CAB39: variants seen among roughly 807,000 people sequenced by gnomAD.
CAB39 encodes calcium-binding protein 39.
A neutral mutation model predicts 40.0 loss-of-function variants in CAB39; 8 were observed. That is an observed-to-expected ratio of 0.20 (90% CI 0.12 to 0.36). CAB39 has a LOEUF of 0.36. Among genes scored for constraint, CAB39 ranks in the 10% least tolerant of loss-of-function variants. The pLI, the probability that CAB39 is intolerant of heterozygous loss-of-function variation, is 1.00. For missense variants in CAB39, 270 were observed against 401.1 expected, an observed-to-expected ratio of 0.67 and a Z score of 2.79; for synonymous variants, 156 against 141.6, an observed-to-expected ratio of 1.10 and a Z score of -0.72.
rs1475996981 is a variant in CAB39, at chr2:230,820,808, T to G, written c.*2104T>G. The G allele has an allele frequency of 6.5e-6, 1 of 152,682 alleles. No homozygotes were observed. The highest frequency in any genetic ancestry group is 1.9e-4 in the East Asian group (1 of 5,200). The allele number at this position is 152,682 out of a possible 1,614,324, so 9.5% of individuals were successfully genotyped here. A position where few individuals can be genotyped will look rare whatever the true frequency, so the allele number is the denominator to read the frequency against. Reference sequence around the variant, plus strand: ...AAAACAATGTGAAAACATTTAAGTTTGAAATGTTGCATTTGAAGTTATGAT... The same window carrying G: ...AAAACAATGTGAAAACATTTAAGTTGGAAATGTTGCATTTGAAGTTATGAT... On this transcript the variant is annotated 3_prime_UTR_variant, in exon 9 of 9. Coordinates refer to ENST00000258418, the MANE Select transcript of CAB39 (RefSeq NM_016289.4).
rs565600946 is a variant in CAB39, at chr2:230,738,298, A to C, written c.-43-21661A>C. Among the ~76,000 whole-genome samples, 4 of 152,290 alleles carry C rather than the reference A, an allele frequency of 2.6e-5. No homozygotes were observed. The East Asian group carries it at 7.7e-4, about 29-fold the overall frequency. On this transcript the variant is annotated intron_variant, in intron 1 of 8. Coordinates refer to ENST00000258418, the MANE Select transcript of CAB39 (RefSeq NM_016289.4). ...TTATCATTCATGCCATTTAGTTCTC[A>C]TCTTTTGGTTTATGAGCTGAGTTTA...
At chr2:230,735,519 T>TG (rs1694773667) in intron 1 of CAB39, among the ~76,000 whole-genome samples, 1 of 150,626 alleles carries the variant, frequency 6.6e-6, no homozygotes, top group Non-Finnish European at 1.5e-5. Flanking sequence ...AAAAATAATT[T>TG]GGGGGGATGG....
chr2:230,728,133 G>A (rs1694620175), intron 1 of CAB39, among the ~76,000 whole-genome samples: 1 of 152,108 alleles, frequency 6.6e-6, no homozygotes, highest in African/African-American at 2.4e-5. Flanking sequence ...CAGCTACTCG[G>A]CGGCTGAGAC....
intron 1 of CAB39, among the ~76,000 whole-genome samples, chr2:230,747,663 T>A (rs1467562433): frequency 6.6e-6 from 1 of 152,220 alleles, no homozygotes; most frequent in Non-Finnish European, 1.5e-5. Context: ...TATAATGGAT[T>A]ATATAGTTCA....
intron 2 of CAB39, among the ~76,000 whole-genome samples, chr2:230,780,651 C>G (rs962116692): frequency 6.6e-6 from 1 of 152,208 alleles, no homozygotes. Context: ...AAGAATACCA[C>G]AGAAGTGAAG....
rs1309099252 is a variant in CAB39 at position 230,748,826 on chromosome 2, AAAAAAATATATATAT to A, written c.-43-11131_-43-11117del. ...TATTTCCAAAAAGAAAAAAAAAAAA[AAAAAAATATATATAT>A]ATATATATATATATATATATATATA... On this transcript the variant is annotated intron_variant, in intron 1 of 8. Transcript: ENST00000258418. Among the ~76,000 whole-genome samples, 297 of 70,552 alleles carry A rather than the reference AAAAAAATATATATAT, an allele frequency of 4.2e-3. 4 individuals carry two copies. The highest frequency in any genetic ancestry group is 0.02 in the East Asian group (55 of 2,816). The allele number at this position is 70,552 out of a possible 152,430, so 46.3% of individuals were successfully genotyped here. A position where few individuals can be genotyped will look rare whatever the true frequency, so the allele number is the denominator to read the frequency against.
chr2:230,772,929 C>A (rs903756428), intron 2 of CAB39, among the ~76,000 whole-genome samples: 1 of 143,916 alleles, frequency 6.9e-6, no homozygotes, highest in Non-Finnish European at 1.5e-5. Context: ...ATGGCCCAGA[C>A]GTGTGGATAA....
In CAB39 at chr2:230,813,978, CTTTTTTTTTTTTTTT is replaced by C. The variant is rs1160253213; in HGVS notation, c.628-51_628-37del. ...CTAATTTACAATGTTACCTACCAGT[CTTTTTTTTTTTTTTT>C]TTTTTTTTTTTTTTTTTTTGGCAAT... On this transcript the variant is annotated intron_variant, in intron 6 of 8. Transcript: ENST00000258418. The C allele has an allele frequency of 1.4e-3, 161 of 113,048 alleles. 1 individual carries two copies. The highest frequency in any genetic ancestry group is 2.7e-3 in the Admixed American group (11 of 4,096). 7.0% of individuals were successfully genotyped at this position (113,048 alleles called of 1,614,324 possible). A position where few individuals can be genotyped will look rare whatever the true frequency, so the allele number is the denominator to read the frequency against.
At chr2:230,723,724 A>G (rs1694498948) in intron 1 of CAB39, among the ~76,000 whole-genome samples, 1 of 152,190 alleles carries the variant, frequency 6.6e-6, no homozygotes, top group Non-Finnish European at 1.5e-5. Flanking sequence ...AACTCAGCGT[A>G]TGTCTTGCCC....
chr2:230,812,566 A>G (rs1228713055), intron 6 of CAB39, among the ~76,000 whole-genome samples: 1 of 152,246 alleles, frequency 6.6e-6, no homozygotes, highest in Non-Finnish European at 1.5e-5. Context: ...TGAGATGTAT[A>G]TATTTTGTTA....
Position 230,767,443 on chromosome 2 carries a change from T to C in CAB39, c.114+7328T>C, listed in dbSNP as rs184048782. Among the ~76,000 whole-genome samples the C allele has an allele frequency of 8.2e-4, 125 of 152,338 alleles. 1 individual carries two copies. Among genetic ancestry groups the C allele is most frequent in the Non-Finnish European group, 3.2e-4 (22 of 68,024 alleles). The stretch of plus-strand genomic sequence containing the variant: ...CTGCTCACTGCTTCACTGGTCTCCC[T>C]TGGTTTCCCTACAACCATAGTGATT... On this transcript the variant is annotated intron_variant, in intron 2 of 8. Transcript: ENST00000258418.
intron 2 of CAB39, among the ~76,000 whole-genome samples, chr2:230,772,345 T>G (rs1422703406): frequency 6.6e-6 from 1 of 152,160 alleles, no homozygotes; most frequent in Non-Finnish European, 1.5e-5. Flanking sequence ...AGTAAAACCA[T>G]AAGGAGATTC....
intron 3 of CAB39, among the ~76,000 whole-genome samples, chr2:230,791,709 G>A (rs915378292): frequency 6.6e-6 from 1 of 152,182 alleles, no homozygotes; most frequent in Admixed American, 6.5e-5. Flanking sequence ...TGCTCCTCCT[G>A]TCTCAGGGCC....
In CAB39 at chr2:230,820,221, G is replaced by A. The variant is rs1187693631; in HGVS notation, c.*1517G>A. 1.3e-5 allele frequency: 2 copies of A among 152,450 alleles called. No individual in the cohort carries two copies. The highest frequency in any genetic ancestry group is 2.9e-5 in the Non-Finnish European group (2 of 68,032). 9.4% of individuals were successfully genotyped at this position (152,450 alleles called of 1,614,324 possible). The stretch of plus-strand genomic sequence containing the variant: ...TTGCCAGTTCAAATTCAGCATGGCT[G>A]CAGCTGATTAAGAAATTGATATGAT... On this transcript the variant is annotated 3_prime_UTR_variant, in exon 9 of 9. Coordinates refer to ENST00000258418, the MANE Select transcript of CAB39 (RefSeq NM_016289.4).
intron 5 of CAB39, among the ~76,000 whole-genome samples, chr2:230,805,291 C>T (rs1040417180): frequency 1.3e-5 from 2 of 151,878 alleles, no homozygotes; most frequent in African/African-American, 4.8e-5. Context: ...AAGAGAAATA[C>T]CTAATGTAAA....
At chr2:230,773,353 A>G (rs1028044271) in intron 2 of CAB39, among the ~76,000 whole-genome samples, 12 of 79,092 alleles carry the variant, frequency 1.5e-4, no homozygotes, top group South Asian at 3.3e-4. Flanking sequence ...TGTGTGTTAC[A>G]TTAGGTACTT....
At chr2:230,750,320 G>C (rs1418880531) in intron 1 of CAB39, among the ~76,000 whole-genome samples, 1 of 152,154 alleles carries the variant, frequency 6.6e-6, no homozygotes, top group African/African-American at 2.4e-5. Context: ...GCCAAAGCAG[G>C]CTTTTATAAA....
chr2:230,783,013 A>G (rs930244931), intron 2 of CAB39, among the ~76,000 whole-genome samples: 30 of 118,462 alleles, frequency 2.5e-4, no homozygotes, highest in African/African-American at 1.0e-3. Flanking sequence ...TGTTTTTAGT[A>G]GAGACGGGGT....
Position 230,820,283 on chromosome 2 carries a change from T to C in CAB39, c.*1579T>C, listed in dbSNP as rs1350868198. 6.6e-6 allele frequency: 1 copy of C among 152,268 alleles called. No homozygotes were observed. Among genetic ancestry groups the C allele is most frequent in the Non-Finnish European group, 1.5e-5 (1 of 68,048 alleles). The allele number at this position is 152,268 out of a possible 1,614,324, so 9.4% of individuals were successfully genotyped here. On this transcript the variant is annotated 3_prime_UTR_variant, in exon 9 of 9. Transcript: ENST00000258418. Reference sequence around the variant, plus strand: ...AGCCTCTCTTACTAATGGAATTATATACTGGCCAGTAAAATGGGCCTCCCA... The same window carrying C: ...AGCCTCTCTTACTAATGGAATTATACACTGGCCAGTAAAATGGGCCTCCCA...
Sources: allele counts gnomAD v4.1 joint callset (sites outside exome capture counted in the v4.1 genomes callset), GRCh38; gene constraint gnomAD v4.1.1; transcripts MANE v1.5; gene names NCBI Gene and HGNC (gene_info 2026-07-23, HGNC 2026-07-21).